The following BTG4 variants were observed in gnomAD, a reference collection of about 807,000 sequenced individuals.
BTG4 encodes BTG anti-proliferation factor 4.
Under a neutral mutation model 19.3 loss-of-function variants are expected in BTG4, and 10 were observed. The ratio of observed to expected loss-of-function variants is 0.52; its 90% CI spans 0.32 to 0.88. BTG4 has a LOEUF of 0.88. BTG4 is among the 40% of genes least tolerant of loss of function. The pLI is 0.04. For missense variants in BTG4, 238 were observed against 281.9 expected (o/e 0.84, Z 1.11); for synonymous variants, 91 against 95.7 (o/e 0.95, Z 0.29).
intron 5 of BTG4, among the ~76,000 whole-genome samples, chr11:111,485,027 T>C (rs559180567): frequency 6.6e-6 from 1 of 152,288 alleles, no homozygotes; most frequent in Non-Finnish European, 1.5e-5. Context: ...GAGGTCATTA[T>C]ACAATGATAA....
At chr11:111,412,095 G>A in the BTG4 span, among the ~76,000 whole-genome samples, 1 of 152,218 alleles carries the variant, frequency 6.6e-6, no homozygotes, top group Non-Finnish European at 1.5e-5. Context: ...CCAGAAATGA[G>A]AGACAAGGCC....
chr11:111,433,181 C>T, the BTG4 span, among the ~76,000 whole-genome samples: 1 of 152,140 alleles, frequency 6.6e-6, no homozygotes, highest in South Asian at 2.1e-4. Context: ...ATAAAATGTA[C>T]AACAAAGATG....
the BTG4 span, among the ~76,000 whole-genome samples, chr11:111,428,064 T>C: frequency 6.6e-6 from 1 of 152,146 alleles, no homozygotes; most frequent in Non-Finnish European, 1.5e-5. Flanking sequence ...AGGATTTGAC[T>C]AATGGCCGTA....
intron 5 of BTG4, among the ~76,000 whole-genome samples, chr11:111,481,148 A>T (rs1231597411): frequency 1.3e-5 from 2 of 151,966 alleles, no homozygotes; most frequent in Non-Finnish European, 2.9e-5. Context: ...GATAATAAGG[A>T]AACACTATAA....
chr11:111,444,459 T>A, the BTG4 span, among the ~76,000 whole-genome samples: 1 of 150,584 alleles, frequency 6.6e-6, no homozygotes, highest in Non-Finnish European at 1.5e-5. Context: ...GGAAGAGTAG[T>A]GGGGGGCTGG....
the BTG4 span, among the ~76,000 whole-genome samples, chr11:111,388,177 A>T: frequency 6.6e-6 from 1 of 152,190 alleles, no homozygotes; most frequent in African/African-American, 2.4e-5. Flanking sequence ...GAATTCCTAG[A>T]GAATTTCCAT....
the BTG4 span, among the ~76,000 whole-genome samples, chr11:111,434,376 G>C: frequency 6.6e-6 from 1 of 152,108 alleles, no homozygotes. Context: ...ACAGGGAGGG[G>C]AACATCCCAC....
At chr11:111,439,834 A>G in the BTG4 span, among the ~76,000 whole-genome samples, 120,791 of 152,084 alleles carry the variant, frequency 0.79, 48,182 homozygotes, top group East Asian at 0.86. Flanking sequence ...CCGCCCGGTC[A>G]TTTTGAGAAT....
the BTG4 span, chr11:111,450,303 T>C: frequency 5.2e-5 from 8 of 152,660 alleles, no homozygotes; most frequent in African/African-American, 1.9e-4. Context: ...CTCCGTGTCT[T>C]GAGGGAAGAT....
chr11:111,455,619 A>G, the BTG4 span: 1 of 300,096 alleles, frequency 3.3e-6, no homozygotes, highest in Non-Finnish European at 7.0e-6. Flanking sequence ...GAACCCAGAA[A>G]AGTGTGGATC....
At chr11:111,473,175 T>C (rs1230696912) in intron 5 of BTG4, 2 of 152,286 alleles carry the variant, frequency 1.3e-5, no homozygotes, top group Non-Finnish European at 2.9e-5. Flanking sequence ...TGAAGAGATA[T>C]TGCTTTAATT....
chr11:111,412,147 G>T, the BTG4 span, among the ~76,000 whole-genome samples: 1 of 152,186 alleles, frequency 6.6e-6, no homozygotes, highest in Non-Finnish European at 1.5e-5. Flanking sequence ...CTAGAACAGG[G>T]TAGAAAAGAA....
chr11:111,496,319 T>C (rs1865728245), intron 4 of BTG4, among the ~76,000 whole-genome samples: 1 of 152,184 alleles, frequency 6.6e-6, no homozygotes, highest in South Asian at 2.1e-4. Flanking sequence ...TACATGGTGT[T>C]TCGGCTGCAT....
At chr11:111,424,400 C>T in the BTG4 span, among the ~76,000 whole-genome samples, 2 of 152,206 alleles carry the variant, frequency 1.3e-5, no homozygotes, top group African/African-American at 4.8e-5. Flanking sequence ...TGAGTTAACG[C>T]GAAAATGCTG....
chr11:111,406,626 T>C, the BTG4 span, among the ~76,000 whole-genome samples: 6 of 152,220 alleles, frequency 3.9e-5, no homozygotes, highest in East Asian at 9.6e-4. Flanking sequence ...GTTTCAGATA[T>C]AGCCCATTTA....
rs1206068016 is a variant in BTG4 at position 111,494,990 on chromosome 11, A to G, written c.*145T>C. On this transcript the variant is annotated 3_prime_UTR_variant, in exon 5 of 5. Coordinates refer to ENST00000692032, the MANE Select transcript of BTG4 (RefSeq NM_001367975.1). ...ACAGCTAAGAACAGTGATGATCTGTATGAGAGGATTTACCATTGTGTACCC... is the reference window on the plus strand; with the variant it reads ...ACAGCTAAGAACAGTGATGATCTGTGTGAGAGGATTTACCATTGTGTACCC... The G allele has an allele frequency of 6.1e-6, 6 of 985,264 alleles. No homozygotes were observed. In the African/African-American group the frequency reaches 7.0e-5, roughly 11 times the overall value. 61.0% of individuals were successfully genotyped at this position (985,264 alleles called of 1,614,324 possible). A position where few individuals can be genotyped will look rare whatever the true frequency, so the allele number is the denominator to read the frequency against.
intron 2 of BTG4, 101 bp from the exon 3 acceptor site, chr11:111,498,236 A>C: frequency 9.7e-6 from 13 of 1,334,434 alleles, no homozygotes; most frequent in Non-Finnish European, 1.4e-5. Flanking sequence ...CTCCCACCTC[A>C]TCCCCTCAGC....
At chr11:111,479,594 T>G (rs1003858319) in intron 5 of BTG4, among the ~76,000 whole-genome samples, 2 of 152,150 alleles carry the variant, frequency 1.3e-5, no homozygotes, top group Non-Finnish European at 2.9e-5. Flanking sequence ...ATAAATATGA[T>G]AGACTTTCCT....
the BTG4 span, among the ~76,000 whole-genome samples, chr11:111,444,921 G>A: frequency 3.9e-5 from 6 of 152,106 alleles, no homozygotes; most frequent in South Asian, 8.3e-4. Context: ...CCAAGGCAAC[G>A]GTCAACCAAG....
Sources: allele counts gnomAD v4.1 joint callset (sites outside exome capture counted in the v4.1 genomes callset), GRCh38; gene constraint gnomAD v4.1.1; transcripts MANE v1.5; gene names NCBI Gene and HGNC (gene_info 2026-07-23, HGNC 2026-07-21).